PTPRN2: variants seen among roughly 807,000 people sequenced by gnomAD.
PTPRN2 encodes receptor-type tyrosine-protein phosphatase N2.
In PTPRN2, 74 loss-of-function variants were observed where a neutral mutation model predicts 118.8. That is an observed-to-expected ratio of 0.62 (90% CI 0.52 to 0.76). PTPRN2 has a LOEUF of 0.76. PTPRN2 is among the 30% of genes least tolerant of loss of function. The pLI, the probability that PTPRN2 is intolerant of heterozygous loss-of-function variation, is 0.00. For synonymous variants in PTPRN2, 641 were observed against 608.0 expected (o/e 1.05, Z -0.80); for missense variants, 1,481 against 1,394.4 (o/e 1.06, Z -0.99).
At chr7:158,395,096 G>A (rs1256676763) in intron 2 of PTPRN2, among the ~76,000 whole-genome samples, 2 of 152,080 alleles carry the variant, frequency 1.3e-5, no homozygotes, top group South Asian at 2.1e-4. Context: ...CCTCGTTCCC[G>A]CCAGCCTGAG....
At chr7:157,660,606 A>G (rs1585194912) in intron 13 of PTPRN2, among the ~76,000 whole-genome samples, 1 of 152,308 alleles carries the variant, frequency 6.6e-6, no homozygotes, top group East Asian at 1.9e-4. Context: ...TTCAGTGCTT[A>G]GCATGGAGGC....
chr7:157,558,227 C>G (rs1296363729), intron 21 of PTPRN2, among the ~76,000 whole-genome samples: 3 of 152,130 alleles, frequency 2.0e-5, no homozygotes, highest in Non-Finnish European at 2.9e-5. Context: ...CCTGCACAAC[C>G]AGTGCCAGGG....
chr7:157,819,108 C>T (rs934945047), intron 12 of PTPRN2, among the ~76,000 whole-genome samples: 3 of 152,192 alleles, frequency 2.0e-5, no homozygotes, highest in African/African-American at 7.2e-5. Context: ...GCCCCCCAAA[C>T]ACCTGCTGGG....
intron 9 of PTPRN2, among the ~76,000 whole-genome samples, chr7:158,121,245 T>G (rs1817150676): frequency 1.3e-5 from 2 of 152,074 alleles, no homozygotes; most frequent in South Asian, 4.1e-4. Flanking sequence ...AGAGGGCAGG[T>G]GCAGAAGGGC....
chr7:157,640,391 A>T (rs1804599985), intron 14 of PTPRN2, among the ~76,000 whole-genome samples: 1 of 152,234 alleles, frequency 6.6e-6, no homozygotes, highest in Non-Finnish European at 1.5e-5. Context: ...AGAAAGATAG[A>T]GAAAATAGGA....
At chr7:158,201,144 G>A (rs1053277898) in intron 4 of PTPRN2, among the ~76,000 whole-genome samples, 3 of 150,668 alleles carry the variant, frequency 2.0e-5, no homozygotes, top group African/African-American at 4.9e-5. Context: ...TCAATCCCCC[G>A]GGCTCAGGTG....
At chr7:157,616,106 G>A (rs1585116341) in intron 15 of PTPRN2, 4 of 161,128 alleles carry the variant, frequency 2.5e-5, no homozygotes, top group African/African-American at 9.6e-5. Context: ...CACACTGTGA[G>A]ACCCTCCCCA....
chr7:158,462,413 C>T (rs1218696136), intron 2 of PTPRN2, among the ~76,000 whole-genome samples: 1 of 152,176 alleles, frequency 6.6e-6, no homozygotes, highest in Non-Finnish European at 1.5e-5. Flanking sequence ...CGGCCTCTGT[C>T]ACACCTTCTG....
intron 17 of PTPRN2, among the ~76,000 whole-genome samples, chr7:157,582,325 C>A (rs891852168): frequency 6.6e-6 from 1 of 152,160 alleles, no homozygotes; most frequent in African/African-American, 2.4e-5. Flanking sequence ...AATGACCCAA[C>A]TAAAAATGGG....
At chr7:157,574,317 A>G (rs755629851) in intron 19 of PTPRN2, 12 of 503,676 alleles carry the variant, frequency 2.4e-5, no homozygotes, top group Admixed American at 2.3e-4. Context: ...GGCTTTCCAC[A>G]TCGCCCCTGC....
intron 12 of PTPRN2, among the ~76,000 whole-genome samples, chr7:157,753,413 T>G (rs1801598146): frequency 6.6e-6 from 1 of 152,130 alleles, no homozygotes; most frequent in Non-Finnish European, 1.5e-5. Context: ...CAGCCTCCTG[T>G]GCTATCAGAA....
rs572435370 is a variant in PTPRN2 at position 158,474,027 on chromosome 7, A to G, written c.163+15708T>C. 6.0e-3 allele frequency among the ~76,000 whole-genome samples: 919 copies of G among 152,298 alleles called. 10 individuals are homozygous for G. Among genetic ancestry groups the G allele is most frequent in the African/African-American group, 0.021 (872 of 41,558 alleles). ...ACGTCAGTGACATTTCTAGGTAGAC[A>G]TCAAGATCTCGCGCTTAGGAGACCA... is the stretch of plus-strand genomic sequence containing the variant. On this transcript the variant is annotated intron_variant, in intron 2 of 22. Transcript: ENST00000389418.
At chr7:157,577,442 C>T (rs949516510) in intron 18 of PTPRN2, among the ~76,000 whole-genome samples, 4 of 152,164 alleles carry the variant, frequency 2.6e-5, no homozygotes, top group East Asian at 1.9e-4. Context: ...TAATCACCCA[C>T]GTTTATTTAG....
chr7:157,714,327 T>C (rs1798797733), intron 12 of PTPRN2, among the ~76,000 whole-genome samples: 1 of 152,258 alleles, frequency 6.6e-6, no homozygotes, highest in South Asian at 2.1e-4. Flanking sequence ...AGTTACTACC[T>C]GTGGGGTGGC....
At chr7:158,279,364 C>T (rs564023692) in intron 3 of PTPRN2, among the ~76,000 whole-genome samples, 55 of 152,154 alleles carry the variant, frequency 3.6e-4, no homozygotes, top group Non-Finnish European at 6.0e-4. Context: ...AGACAGAAAA[C>T]TTCTCCAAGT....
chr7:158,343,088 T>C (rs73748212), intron 2 of PTPRN2, among the ~76,000 whole-genome samples: 3,105 of 152,238 alleles, frequency 0.02, 101 homozygotes, highest in African/African-American at 0.07. Context: ...AAAACTTCTG[T>C]GCATCAAAGG....
intron 2 of PTPRN2, among the ~76,000 whole-genome samples, chr7:158,451,881 T>G (rs749829082): frequency 2.6e-5 from 4 of 152,208 alleles, no homozygotes; most frequent in Non-Finnish European, 5.9e-5. Flanking sequence ...CACGTTTTCT[T>G]CCAGTACTTG....
chr7:157,703,115 C>A (rs1301240483), intron 12 of PTPRN2, among the ~76,000 whole-genome samples: 2 of 152,236 alleles, frequency 1.3e-5, no homozygotes, highest in African/African-American at 4.8e-5. Flanking sequence ...CGGGCTCATT[C>A]TTGAAATGTC....
chr7:158,124,078 A>C (rs1251750230), intron 9 of PTPRN2, among the ~76,000 whole-genome samples: 1 of 152,234 alleles, frequency 6.6e-6, no homozygotes, highest in Non-Finnish European at 1.5e-5. Flanking sequence ...ATGGGACCTG[A>C]GTTGCCCATC....
Sources: gnomAD v4.1 joint callset for allele counts (sites outside exome capture counted in the v4.1 genomes callset) on GRCh38, gnomAD v4.1.1 for gene constraint, MANE v1.5 for transcripts, NCBI Gene and HGNC (gene_info 2026-07-23, HGNC 2026-07-21) for gene names.